Variants in TMEM260 observed in about 807,000 individuals in gnomAD.
The protein encoded by TMEM260 is protein O-mannosyl-transferase TMEM260.
TMEM260 carries 82 observed loss-of-function variants against 88.9 expected under a neutral mutation model. The ratio of observed to expected loss-of-function variants is 0.92; its 90% CI spans 0.77 to 1.11. TMEM260 has a LOEUF of 1.11. Among genes scored for constraint, TMEM260 ranks in the 50% least tolerant of loss-of-function variants. The pLI, the probability that TMEM260 is intolerant of heterozygous loss-of-function variation, is 0.00. For synonymous variants in TMEM260, 314 were observed against 309.3 expected, an observed-to-expected ratio of 1.02 and a Z score of -0.16; for missense variants, 902 against 853.4, an observed-to-expected ratio of 1.06 and a Z score of -0.71.
At chr14:56,631,863 GCTGT>G (rs903254570) in intron 12 of TMEM260, among the ~76,000 whole-genome samples, 1 of 152,152 alleles carries the variant, frequency 6.6e-6, no homozygotes, top group African/African-American at 2.4e-5. Flanking sequence ...TTTTCCTGGT[GCTGT>G]CTGTGACCAG....
chr14:56,589,661 G>C (rs1443416950), intron 3 of TMEM260, among the ~76,000 whole-genome samples: 1 of 152,072 alleles, frequency 6.6e-6, no homozygotes, highest in African/African-American at 2.4e-5. Flanking sequence ...AAGAACGTAC[G>C]ATCAATTTCA....
At position 56,600,264 on chromosome 14, in the gene TMEM260, G is replaced by A. The variant is rs77803827; in HGVS notation, c.345-3551G>A. ...TGACTTTCTGCTCTTAGAGGCGTAC[G>A]TCCTCTCTTCTGTTTTGCGCAAGAC... is the stretch of plus-strand genomic sequence containing the variant. On this transcript the variant is annotated intron_variant, in intron 3 of 15. Transcript: ENST00000261556. Among the ~76,000 whole-genome samples the A allele has an allele frequency of 7.4e-3, 1,121 of 152,156 alleles. 10 individuals are homozygous for A. The highest frequency in any genetic ancestry group is 0.025 in the African/African-American group (1,050 of 41,496).
chr14:56,580,047 C>T lies in TMEM260; in HGVS notation c.133C>T (p.Pro45Ser), dbSNP rs746247080. 6 of 1,251,760 alleles carry T rather than the reference C, an allele frequency of 4.8e-6. No individual in the cohort carries two copies. The African/African-American group carries it at 6.2e-5, about 13-fold the overall frequency. 77.5% of individuals were successfully genotyped at this position (1,251,760 alleles called of 1,614,324 possible). Residue 45 changes from proline (P) to serine (S), a missense_variant, in exon 1 of 16, where the codon CCC becomes TCC. Transcript: ENST00000261556. ...GGCCGCAGTGTTCACCTTCACCCTGCCCCCTTCGGTACCGGGGGGAGACTC... is the reference window on the plus strand; with the variant it reads ...GGCCGCAGTGTTCACCTTCACCCTGTCCCCTTCGGTACCGGGGGGAGACTC... ...AVAAVFTFTL[P>S]PSVPGGDSGE...
downstream of TMEM260, among the ~76,000 whole-genome samples, chr14:56,651,757 GC>G (rs1289987169): frequency 2.0e-5 from 3 of 152,172 alleles, no homozygotes. Context: ...ATAGAAATAA[GC>G]CAAATCTAAG....
chr14:56,605,716 A>G, intron 5 of TMEM260, 33 bp downstream of exon 5: 1 of 1,288,166 alleles, frequency 7.8e-7, no homozygotes, highest in Non-Finnish European at 1.1e-6. Flanking sequence ...AAAAAGTACA[A>G]TATTTTACTT....
Position 56,618,602 on chromosome 14 carries a change from A to T in TMEM260, c.1065A>T (p.Arg355=). ...GCATGTCTCTTTCACAGGTGGAACG[A>T]TTCTGGATGCAGAGCAATGCAGTAG... ...SKPLFMGVVE[R]FWMQSNAVVA... Residue 355 remains arginine, a synonymous_variant, in exon 10 of 16, where the codon CGA becomes CGT. Coordinates refer to ENST00000261556, the MANE Select transcript of TMEM260 (RefSeq NM_017799.4). The T allele has an allele frequency of 6.2e-7, 1 of 1,613,948 alleles. No homozygotes were observed. The highest frequency in any genetic ancestry group is 8.5e-7 in the Non-Finnish European group (1 of 1,179,974).
chr14:56,639,616 G>A (rs1889411301), intron 15 of TMEM260, among the ~76,000 whole-genome samples: 1 of 152,184 alleles, frequency 6.6e-6, no homozygotes, highest in African/African-American at 2.4e-5. Context: ...TGAGGTACCG[G>A]GTTCATCTCA....
the TMEM260 span, among the ~76,000 whole-genome samples, chr14:56,657,947 A>C: frequency 6.6e-6 from 1 of 152,224 alleles, no homozygotes; most frequent in South Asian, 2.1e-4. Context: ...GATTAAAAAA[A>C]CATTCATGCT....
chr14:56,642,046 C>T (rs981312746), intron 15 of TMEM260, among the ~76,000 whole-genome samples: 1 of 152,170 alleles, frequency 6.6e-6, no homozygotes, highest in Non-Finnish European at 1.5e-5. Flanking sequence ...TAGACTCCCA[C>T]ACAATAATAA....
intron 3 of TMEM260, among the ~76,000 whole-genome samples, chr14:56,586,338 G>A (rs937697339): frequency 2.6e-5 from 4 of 152,108 alleles, no homozygotes; most frequent in Non-Finnish European, 5.9e-5. Context: ...TGAACATGTT[G>A]TATACTTTCT....
chr14:56,644,155 A>G (rs939727022), intron 15 of TMEM260, among the ~76,000 whole-genome samples: 2 of 152,190 alleles, frequency 1.3e-5, no homozygotes, highest in Non-Finnish European at 2.9e-5. Flanking sequence ...GGAAAAAAGT[A>G]CTTTAAAGTT....
At chr14:56,658,814 T>A in the TMEM260 span, among the ~76,000 whole-genome samples, 13 of 151,900 alleles carry the variant, frequency 8.6e-5, no homozygotes, top group Non-Finnish European at 1.6e-4. Context: ...CACCGCAACC[T>A]CCGCCTCCCA....
At chr14:56,602,488 T>G (rs1337938837) in intron 3 of TMEM260, among the ~76,000 whole-genome samples, 1 of 152,038 alleles carries the variant, frequency 6.6e-6, no homozygotes, top group East Asian at 1.9e-4. Context: ...AGTCCTTAAG[T>G]TTTTGGGCTG....
chr14:56,609,093 T>G lies in TMEM260; in HGVS notation c.637-13T>G, dbSNP rs1449494213. ...ATAAACATTGTTATACCACCCAATG[T>G]GCTCTGATGCAGGAACTCTCCCTGG... On this transcript the variant is annotated splice_polypyrimidine_tract_variant and intron_variant, in intron 5 of 15. Transcript: ENST00000261556. 6.2e-7 allele frequency: 1 copy of G among 1,613,102 alleles called. No individual in the cohort carries two copies. The highest frequency in any genetic ancestry group is 8.5e-7 in the Non-Finnish European group (1 of 1,179,426).
chr14:56,600,130 CAAAG>C (rs1216406511), intron 3 of TMEM260, among the ~76,000 whole-genome samples: 2 of 152,062 alleles, frequency 1.3e-5, no homozygotes, highest in Non-Finnish European at 2.9e-5. Flanking sequence ...CTATTGAAAT[CAAAG>C]AAATTCATAC....
At chr14:56,607,300 G>T (rs1256897754) in intron 5 of TMEM260, among the ~76,000 whole-genome samples, 1 of 152,150 alleles carries the variant, frequency 6.6e-6, no homozygotes, top group Non-Finnish European at 1.5e-5. Flanking sequence ...CATGTTAATT[G>T]ATTGAAAGGA....
At chr14:56,602,657 A>T (rs1886645523) in intron 3 of TMEM260, among the ~76,000 whole-genome samples, 1 of 152,164 alleles carries the variant, frequency 6.6e-6, no homozygotes, top group Non-Finnish European at 1.5e-5. Context: ...ATTTGGAAGG[A>T]AGAAATAATA....
intron 1 of TMEM260, among the ~76,000 whole-genome samples, chr14:56,581,688 C>T (rs976516234): frequency 1.3e-5 from 2 of 152,090 alleles, no homozygotes; most frequent in African/African-American, 2.4e-5. Context: ...TCCCAGCTAC[C>T]CTTAAAAGTA....
Position 56,609,356 on chromosome 14 carries a change from TA to T in TMEM260, c.816+78del, listed in dbSNP as rs972899572. 12 of 1,386,470 alleles carry T rather than the reference TA, an allele frequency of 8.7e-6. No homozygotes were observed. In the African/African-American group the frequency reaches 1.4e-4, roughly 17 times the overall value. 85.9% of individuals were successfully genotyped at this position (1,386,470 alleles called of 1,614,324 possible). ...TTCAGTGCTCTGCCTGGGCCTTGAT[TA>T]AAAAAACAATATTTGTCAATGACAG... On this transcript the variant is annotated intron_variant, in intron 6 of 15. Coordinates refer to ENST00000261556, the MANE Select transcript of TMEM260 (RefSeq NM_017799.4).
Sources: gnomAD v4.1 joint callset for allele counts (sites outside exome capture counted in the v4.1 genomes callset) on GRCh38, gnomAD v4.1.1 for gene constraint, MANE v1.5 for transcripts, NCBI Gene and HGNC (gene_info 2026-07-23, HGNC 2026-07-21) for gene names.